The following OTUD7A variants were observed in gnomAD, a reference collection of about 807,000 sequenced individuals.
The protein encoded by OTUD7A is OTU domain-containing protein 7A.
OTUD7A carries 12 observed loss-of-function variants against 65.7 expected under a neutral mutation model. The ratio of observed to expected loss-of-function variants is 0.18; its 90% CI spans 0.12 to 0.30. The LOEUF (loss-of-function observed/expected upper bound fraction) is 0.30, where lower values mean the gene tolerates loss of function less well. Among genes scored for constraint, OTUD7A ranks in the 10% least tolerant of loss-of-function variants. OTUD7A has a pLI of 1.00. For synonymous variants in OTUD7A, 641 were observed against 586.3 expected, an observed-to-expected ratio of 1.09 and a Z score of -1.35; for missense variants, 1,148 against 1,304.8, an observed-to-expected ratio of 0.88 and a Z score of 1.85.
Position 31,600,663 on chromosome 15 carries a change from G to A in OTUD7A, c.152-30466C>T, listed in dbSNP as rs574725369. Among the ~76,000 whole-genome samples, 18 of 152,258 alleles carry A rather than the reference G, an allele frequency of 1.2e-4. No homozygotes were observed. The South Asian group carries it at 3.5e-3, about 30-fold the overall frequency. On this transcript the variant is annotated intron_variant, in intron 3 of 12. Transcript: ENST00000307050. ...ATGCCCTAATTAAAAGACACAGGCTGGCAAATTGGATAAAGAGTCAAGACC... is the reference window on the plus strand; with the variant it reads ...ATGCCCTAATTAAAAGACACAGGCTAGCAAATTGGATAAAGAGTCAAGACC...
chr15:31,499,376 C>T (rs766428627), intron 10 of OTUD7A, among the ~76,000 whole-genome samples: 32 of 152,144 alleles, frequency 2.1e-4, no homozygotes, highest in Non-Finnish European at 4.3e-4. Flanking sequence ...CATCCTGGGG[C>T]TCGATATTCT....
At chr15:31,496,097 A>AC (rs1250926885) in intron 10 of OTUD7A, among the ~76,000 whole-genome samples, 1 of 151,876 alleles carries the variant, frequency 6.6e-6, no homozygotes, top group Non-Finnish European at 1.5e-5. Flanking sequence ...AAAAAAAAAA[A>AC]CTTTCTTGCC....
intron 1 of OTUD7A, among the ~76,000 whole-genome samples, chr15:31,860,166 C>A (rs1897681809): frequency 6.6e-6 from 1 of 152,088 alleles, no homozygotes; most frequent in African/African-American, 2.4e-5. Context: ...AATGGAAAAT[C>A]TGAAACTATA....
At chr15:31,669,038 T>C (rs936626965) in intron 1 of OTUD7A, among the ~76,000 whole-genome samples, 3 of 152,206 alleles carry the variant, frequency 2.0e-5, no homozygotes, top group African/African-American at 4.8e-5. Context: ...CACCAGCACC[T>C]GTTCTCCTGG....
At chr15:31,761,573 AG>A (rs548768596) in intron 1 of OTUD7A, among the ~76,000 whole-genome samples, 6 of 152,210 alleles carry the variant, frequency 3.9e-5, no homozygotes, top group Non-Finnish European at 8.8e-5. Flanking sequence ...CTCTGCTGGT[AG>A]GAACATAAAA....
chr15:31,854,507 T>C (rs1234966195), intron 1 of OTUD7A, among the ~76,000 whole-genome samples: 1 of 152,100 alleles, frequency 6.6e-6, no homozygotes, highest in Non-Finnish European at 1.5e-5. Flanking sequence ...CAGCTCTTGG[T>C]CCCCCACCTC....
chr15:31,854,731 G>A lies in OTUD7A; in HGVS notation c.-100+15776C>T, dbSNP rs921307984. 5.3e-5 allele frequency among the ~76,000 whole-genome samples: 8 copies of A among 151,990 alleles called. No individual in the cohort carries two copies. In the East Asian group the frequency reaches 1.5e-3, roughly 29 times the overall value. The stretch of plus-strand genomic sequence containing the variant: ...TCAGTTCCAATTTCCTGCCATGCAT[G>A]GTAACATATTCACAGGTTTGGGGGA... On this transcript the variant is annotated intron_variant, in intron 1 of 12. Transcript: ENST00000307050.
chr15:31,639,330 C>G (rs1299718757), intron 3 of OTUD7A, among the ~76,000 whole-genome samples: 2 of 150,794 alleles, frequency 1.3e-5, no homozygotes, highest in Non-Finnish European at 2.9e-5. Flanking sequence ...TGTTGTTGCA[C>G]GTTATCAATA....
intron 5 of OTUD7A, among the ~76,000 whole-genome samples, chr15:31,537,022 T>C (rs1385425410): frequency 6.6e-6 from 1 of 152,196 alleles, no homozygotes. Context: ...AAATTTCAGA[T>C]ATACCCCATA....
intron 3 of OTUD7A, among the ~76,000 whole-genome samples, chr15:31,592,657 G>A (rs1376414943): frequency 2.0e-5 from 3 of 151,628 alleles, no homozygotes; most frequent in African/African-American, 7.3e-5. Flanking sequence ...GAGGCGGGCA[G>A]ATCACGAGGT....
At chr15:31,763,884 A>G (rs1895036532) in intron 1 of OTUD7A, among the ~76,000 whole-genome samples, 3 of 152,218 alleles carry the variant, frequency 2.0e-5, no homozygotes, top group Admixed American at 2.0e-4. Context: ...CAACATTTTT[A>G]AAGGAATGAA....
At chr15:31,821,396 G>A (rs965801054) in intron 1 of OTUD7A, among the ~76,000 whole-genome samples, 17 of 149,260 alleles carry the variant, frequency 1.1e-4, no homozygotes, top group African/African-American at 1.5e-4. Context: ...TGTCTGCCTC[G>A]GCCTCCCAAA....
intron 1 of OTUD7A, among the ~76,000 whole-genome samples, chr15:31,668,493 A>C (rs1892379823): frequency 6.6e-6 from 1 of 152,102 alleles, no homozygotes; most frequent in African/African-American, 2.4e-5. Context: ...GTGTTTCCTG[A>C]AGTTTTGATA....
At chr15:31,599,033 C>T (rs1889995787) in intron 3 of OTUD7A, among the ~76,000 whole-genome samples, 1 of 152,222 alleles carries the variant, frequency 6.6e-6, no homozygotes, top group Non-Finnish European at 1.5e-5. Flanking sequence ...AAACTCCCAT[C>T]TCCCTGGGAC....
intron 1 of OTUD7A, among the ~76,000 whole-genome samples, chr15:31,813,470 C>T (rs1031363256): frequency 3.3e-5 from 5 of 152,176 alleles, no homozygotes; most frequent in Admixed American, 1.3e-4. Context: ...ATGCCACATT[C>T]GTGTCTTACC....
chr15:31,727,451 G>A (rs189566758), intron 1 of OTUD7A, among the ~76,000 whole-genome samples: 1 of 152,086 alleles, frequency 6.6e-6, no homozygotes, highest in East Asian at 1.9e-4. Flanking sequence ...CAGACCTTTA[G>A]TATTCAATAG....
chr15:31,714,862 G>C (rs543367868), intron 1 of OTUD7A, among the ~76,000 whole-genome samples: 1 of 152,112 alleles, frequency 6.6e-6, no homozygotes, highest in African/African-American at 2.4e-5. Context: ...TTGGCCAGGC[G>C]TGGTGGCTCA....
chr15:31,677,676 T>C (rs1280049582), intron 1 of OTUD7A, among the ~76,000 whole-genome samples: 1 of 152,242 alleles, frequency 6.6e-6, no homozygotes, highest in Non-Finnish European at 1.5e-5. Context: ...TGATTGTAAG[T>C]TTCCTAAGGA....
At chr15:31,527,348 A>C (rs886627198) in intron 6 of OTUD7A, 40 bp from the exon 7 acceptor site, 3 of 1,605,544 alleles carry the variant, frequency 1.9e-6, no homozygotes, top group Non-Finnish European at 2.6e-6. Context: ...GAGAGAAAGG[A>C]CATGAGAAAA....
Sources: allele counts gnomAD v4.1 joint callset (sites outside exome capture counted in the v4.1 genomes callset), GRCh38; gene constraint gnomAD v4.1.1; transcripts MANE v1.5; gene names NCBI Gene and HGNC (gene_info 2026-07-23, HGNC 2026-07-21).